Variants in STK33 observed in about 807,000 individuals in gnomAD.
STK33 encodes serine/threonine kinase 33.
A neutral mutation model predicts 58.0 loss-of-function variants in STK33; 52 were observed. That is an observed-to-expected ratio of 0.90 (90% CI 0.72 to 1.13). The LOEUF (loss-of-function observed/expected upper bound fraction) is 1.13, where lower values mean the gene tolerates loss of function less well. Ranked by LOEUF, STK33 falls within the 50% of genes most tolerant of loss-of-function variation. STK33 has a pLI of 0.00. For synonymous variants in STK33, 215 were observed against 200.1 expected (o/e 1.07, Z -0.63); for missense variants, 630 against 604.2 (o/e 1.04, Z -0.45).
rs1253217599 is a variant in STK33, at chr11:8,553,206, T to C, written c.-466+40877A>G. ...TATATATATATATATATGGTGTATATATATATATATATATATATGGTGTGT... is the reference window on the plus strand; with the variant it reads ...TATATATATATATATATGGTGTATACATATATATATATATATATGGTGTGT... On this transcript the variant is annotated intron_variant, in intron 1 of 15. Coordinates refer to ENST00000687296, the MANE Select transcript of STK33 (RefSeq NM_001352389.2). Among the ~76,000 whole-genome samples the C allele has an allele frequency of 7.2e-5, 7 of 96,782 alleles. 1 individual carries two copies. Among genetic ancestry groups the C allele is most frequent in the African/African-American group, 1.5e-4 (3 of 20,656 alleles). 63.5% of individuals were successfully genotyped at this position (96,782 alleles called of 152,430 possible).
Position 8,442,750 on chromosome 11 carries a change from C to T in STK33, c.872-1997G>A, listed in dbSNP as rs528558264. Among the ~76,000 whole-genome samples, 19 of 151,880 alleles carry T rather than the reference C, an allele frequency of 1.3e-4. No individual in the cohort carries two copies. In the East Asian group the frequency reaches 3.7e-3, roughly 29 times the overall value. Reference sequence around the variant, plus strand: ...TTCAAAACTTTATGCATCTAGCAGACAAAAAAAGCAACGAATTACGTATAC... The same window carrying T: ...TTCAAAACTTTATGCATCTAGCAGATAAAAAAAGCAACGAATTACGTATAC... On this transcript the variant is annotated intron_variant, in intron 11 of 15. Transcript: ENST00000687296.
At chr11:8,518,156 T>G (rs1047791042) in intron 1 of STK33, among the ~76,000 whole-genome samples, 6 of 152,178 alleles carry the variant, frequency 3.9e-5, no homozygotes, top group Non-Finnish European at 8.8e-5. Context: ...GCAGAAACTC[T>G]ACAAGCCAGA....
At chr11:8,522,597 T>A (rs1362931426) in intron 1 of STK33, among the ~76,000 whole-genome samples, 1 of 152,206 alleles carries the variant, frequency 6.6e-6, no homozygotes, top group Non-Finnish European at 1.5e-5. Context: ...TTTGATATTG[T>A]CTTTGGCCAT....
In STK33 at chr11:8,399,885, C is replaced by G. The variant is rs549633851; in HGVS notation, c.1345-7175G>C. The stretch of plus-strand genomic sequence containing the variant: ...AAAATCTAGATGAAATGGATAAATT[C>G]CTCAACACATACACTCTCCCAAGAC... On this transcript the variant is annotated intron_variant, in intron 15 of 15. Transcript: ENST00000687296. 1.8e-3 allele frequency among the ~76,000 whole-genome samples: 279 copies of G among 152,304 alleles called. 2 individuals carry two copies. The highest frequency in any genetic ancestry group is 6.6e-3 in the African/African-American group (274 of 41,548).
chr11:8,398,566 T>C (rs934409846), intron 15 of STK33, among the ~76,000 whole-genome samples: 23 of 152,028 alleles, frequency 1.5e-4, no homozygotes, highest in African/African-American at 5.3e-4. Flanking sequence ...ACGAGCAAAA[T>C]AACCAGCTAA....
At chr11:8,424,637 C>T (rs996335717) in intron 14 of STK33, among the ~76,000 whole-genome samples, 75 of 149,886 alleles carry the variant, frequency 5.0e-4, no homozygotes, top group African/African-American at 1.6e-3. Context: ...TCTCCACATC[C>T]TCTCCAGCAC....
chr11:8,479,931 A>G (rs962030739), intron 2 of STK33, among the ~76,000 whole-genome samples: 17 of 152,322 alleles, frequency 1.1e-4, no homozygotes, highest in African/African-American at 2.9e-4. Context: ...TAGGCACTCA[A>G]TGAAAATTTT....
At chr11:8,415,922 T>A (rs546276263) in intron 14 of STK33, among the ~76,000 whole-genome samples, 5 of 152,284 alleles carry the variant, frequency 3.3e-5, no homozygotes, top group African/African-American at 1.2e-4. Flanking sequence ...ACATGGTATA[T>A]GAACTATAAC....
Position 8,464,418 on chromosome 11 carries a change from C to T in STK33, c.453+291G>A, listed in dbSNP as rs533430944. On this transcript the variant is annotated intron_variant, in intron 7 of 15. Transcript: ENST00000687296. ...CCCACAGCCCTATGCCTACAGAACA[C>T]TGAGAACCAGCCCTTATCTTCAGCA... 1.8e-4 allele frequency among the ~76,000 whole-genome samples: 28 copies of T among 152,326 alleles called. No homozygotes were observed. The South Asian group carries it at 5.8e-3, about 32-fold the overall frequency.
At chr11:8,491,097 C>A (rs1950576332) in intron 1 of STK33, among the ~76,000 whole-genome samples, 1 of 152,164 alleles carries the variant, frequency 6.6e-6, no homozygotes, top group Non-Finnish European at 1.5e-5. Context: ...ATGATTTTGA[C>A]AAGTTGACAG....
intron 15 of STK33, among the ~76,000 whole-genome samples, chr11:8,399,055 C>A (rs1438852944): frequency 6.6e-6 from 1 of 152,096 alleles, no homozygotes; most frequent in Non-Finnish European, 1.5e-5. Flanking sequence ...TTAGACAGAT[C>A]AACGAGACAG....
At chr11:8,580,114 G>C (rs575214125) in intron 1 of STK33, among the ~76,000 whole-genome samples, 1 of 152,082 alleles carries the variant, frequency 6.6e-6, no homozygotes, top group Non-Finnish European at 1.5e-5. Flanking sequence ...CCCACTGTGG[G>C]GTATATACAC....
chr11:8,392,673 T>A lies in STK33; in HGVS notation c.1382A>T (p.Lys461Met). The A allele has an allele frequency of 6.2e-7, 1 of 1,614,242 alleles. No homozygotes were observed. Among genetic ancestry groups the A allele is most frequent in the Non-Finnish European group, 8.5e-7 (1 of 1,180,052 alleles). The change falls in exon 16 of 16, where the codon AAG (lysine) becomes ATG (methionine). Residue 461 changes from lysine (K) to methionine (M), a missense_variant. Coordinates refer to ENST00000687296, the MANE Select transcript of STK33 (RefSeq NM_001352389.2). ...TGAACTGCACATATCAAAGTTGTCC[T>A]TACTGGTTGCAGGAAATTGCTTTTC... The part of the protein sequence containing the change: ...AYEKQFPATS[K>M]DNFDMCSSSF...
intron 1 of STK33, among the ~76,000 whole-genome samples, chr11:8,541,237 C>G (rs1001568547): frequency 3.3e-5 from 5 of 151,972 alleles, no homozygotes; most frequent in Admixed American, 1.3e-4. Flanking sequence ...ACCTAATTTA[C>G]TAATAAAAGA....
At chr11:8,422,041 T>A (rs1397465443) in intron 14 of STK33, among the ~76,000 whole-genome samples, 1 of 152,140 alleles carries the variant, frequency 6.6e-6, no homozygotes, top group Non-Finnish European at 1.5e-5. Flanking sequence ...AGATCAGCAA[T>A]GTTGGAAGAA....
chr11:8,432,124 A>G (rs1479095965), intron 14 of STK33, among the ~76,000 whole-genome samples: 1 of 152,240 alleles, frequency 6.6e-6, no homozygotes, highest in Non-Finnish European at 1.5e-5. Flanking sequence ...AATGTGTTGA[A>G]GGAATTAATG....
the STK33 span, among the ~76,000 whole-genome samples, chr11:8,368,013 G>A: frequency 6.6e-6 from 1 of 152,086 alleles, no homozygotes; most frequent in African/African-American, 2.4e-5. Context: ...GAAGGGCAGC[G>A]AGCATGTGAT....
chr11:8,424,902 T>C (rs900169623), intron 14 of STK33, among the ~76,000 whole-genome samples: 16 of 137,502 alleles, frequency 1.2e-4, no homozygotes, highest in African/African-American at 4.6e-4. Context: ...GTCAGATGAG[T>C]AGATTGCAAA....
chr11:8,517,689 G>A (rs1015783114), intron 1 of STK33, among the ~76,000 whole-genome samples: 16 of 152,182 alleles, frequency 1.1e-4, no homozygotes, highest in Admixed American at 6.5e-4. Flanking sequence ...ACTACGTGAC[G>A]CATGCACAAG....
Sources: gnomAD v4.1 joint callset for allele counts (sites outside exome capture counted in the v4.1 genomes callset) on GRCh38, gnomAD v4.1.1 for gene constraint, MANE v1.5 for transcripts, NCBI Gene and HGNC (gene_info 2026-07-23, HGNC 2026-07-21) for gene names.